The following DGKD variants were observed in gnomAD, a reference collection of about 807,000 sequenced individuals.
DGKD encodes the protein diacylglycerol kinase delta.
Under a neutral mutation model 154.4 loss-of-function variants are expected in DGKD, and 68 were observed. The observed-to-expected ratio is 0.44, with a 90% confidence interval of 0.36 to 0.54. DGKD has a LOEUF of 0.54. DGKD is among the 20% of genes least tolerant of loss of function. The pLI is 0.00. For synonymous variants in DGKD, 693 were observed against 638.0 expected, an observed-to-expected ratio of 1.09 and a Z score of -1.30; for missense variants, 1,343 against 1,593.6, an observed-to-expected ratio of 0.84 and a Z score of 2.68.
chr2:233,455,938 C>T (rs897344217), intron 19 of DGKD, among the ~76,000 whole-genome samples: 1 of 152,190 alleles, frequency 6.6e-6, no homozygotes, highest in Non-Finnish European at 1.5e-5. Flanking sequence ...AGGATGGTAA[C>T]GTCAGATCAT....
chr2:233,398,336 G>A (rs6706384), intron 3 of DGKD, among the ~76,000 whole-genome samples: 5 of 151,290 alleles, frequency 3.3e-5, no homozygotes, highest in Non-Finnish European at 5.9e-5. Flanking sequence ...TAGTAGAGAC[G>A]GGGTTTCACA....
chr2:233,435,679 T>C, intron 5 of DGKD, 139 bp from the exon 6 acceptor site: 1 of 647,546 alleles, frequency 1.5e-6, no homozygotes, highest in East Asian at 3.1e-5. Context: ...CGTATCACAG[T>C]AGTTCACTTA....
At chr2:233,460,423 G>A (rs953626943) in intron 24 of DGKD, 78 bp downstream of exon 24, 1 of 1,536,822 alleles carries the variant, frequency 6.5e-7, no homozygotes, top group African/African-American at 1.4e-5. Flanking sequence ...GGCCCCTGGG[G>A]CGTGGAGCTG....
rs1171458387 is a variant in DGKD at position 233,450,063 on chromosome 2, A to G, written c.1970A>G (p.His657Arg). Residue 657 changes from histidine to arginine, a missense_variant, in exon 16 of 30, where the codon CAC becomes CGC. Coordinates refer to ENST00000264057, the MANE Select transcript of DGKD (RefSeq NM_152879.3). ...TCTGAGTCAGAGGAGAAGATGGACC[A>G]CAGAGTGTGCCCACCACTGTCCCAC... Reference protein sequence around the residue: ...GLSESEEKMDHRVCPPLSHSE... With the variant: ...GLSESEEKMDRRVCPPLSHSE... 6.2e-7 allele frequency: 1 copy of G among 1,614,030 alleles called. No individual in the cohort carries two copies. The highest frequency in any genetic ancestry group is 1.1e-5 in the South Asian group (1 of 91,080).
intron 3 of DGKD, among the ~76,000 whole-genome samples, chr2:233,416,384 A>C (rs1180491244): frequency 6.6e-6 from 1 of 152,216 alleles, no homozygotes; most frequent in African/African-American, 2.4e-5. Flanking sequence ...CACCTGGCCC[A>C]GCCAGCAGAT....
At chr2:233,448,832 G>A (rs1222289208) in intron 14 of DGKD, among the ~76,000 whole-genome samples, 1 of 152,220 alleles carries the variant, frequency 6.6e-6, no homozygotes, top group Non-Finnish European at 1.5e-5. Context: ...AAGTTACAAA[G>A]TTGCATTTCT....
At chr2:233,376,115 G>T (rs533417636) in intron 1 of DGKD, among the ~76,000 whole-genome samples, 1 of 152,226 alleles carries the variant, frequency 6.6e-6, no homozygotes, top group East Asian at 1.9e-4. Flanking sequence ...GTGTATTTTG[G>T]GATGTCGCAC....
intron 1 of DGKD, among the ~76,000 whole-genome samples, chr2:233,372,404 T>G (rs935288964): frequency 2.6e-5 from 4 of 152,200 alleles, no homozygotes; most frequent in Admixed American, 1.3e-4. Context: ...ACTCATCTCA[T>G]TAAATCCAGT....
intron 1 of DGKD, among the ~76,000 whole-genome samples, chr2:233,364,095 AC>A (rs1701916983): frequency 6.6e-6 from 1 of 152,242 alleles, no homozygotes. Context: ...GCTTCTAAAA[AC>A]AAAAACCAAA....
At chr2:233,357,289 T>C (rs1412385441) in intron 1 of DGKD, among the ~76,000 whole-genome samples, 1 of 152,172 alleles carries the variant, frequency 6.6e-6, no homozygotes, top group East Asian at 1.9e-4. Context: ...GGACAAAGAA[T>C]GGATCTGAGG....
At chr2:233,396,378 C>T (rs985234614) in intron 3 of DGKD, among the ~76,000 whole-genome samples, 3 of 152,120 alleles carry the variant, frequency 2.0e-5, no homozygotes, top group East Asian at 1.9e-4. Context: ...GAATTTGGCT[C>T]GTTTATTTAG....
chr2:233,448,825 T>G (rs1222474645), intron 14 of DGKD, among the ~76,000 whole-genome samples: 1 of 152,178 alleles, frequency 6.6e-6, no homozygotes, highest in East Asian at 1.9e-4. Flanking sequence ...TAAGGTGAAG[T>G]TACAAAGTTG....
rs1452233830 is a variant in DGKD at position 233,409,690 on chromosome 2, A to G, written c.348+19207A>G. Among the ~76,000 whole-genome samples the G allele has an allele frequency of 2.0e-5, 3 of 151,448 alleles. No homozygotes were observed. In the East Asian group the frequency reaches 5.9e-4, roughly 30 times the overall value. On this transcript the variant is annotated intron_variant, in intron 3 of 29. Coordinates refer to ENST00000264057, the MANE Select transcript of DGKD (RefSeq NM_152879.3). Reference sequence around the variant, plus strand: ...GATAATTTCCTGCTCTGTGGTAGGGAGACTGCTGTTTATTGACCCAGTCCT... The same window carrying G: ...GATAATTTCCTGCTCTGTGGTAGGGGGACTGCTGTTTATTGACCCAGTCCT...
chr2:233,422,586 T>G (rs1018966932), intron 3 of DGKD, among the ~76,000 whole-genome samples: 1 of 152,226 alleles, frequency 6.6e-6, no homozygotes, highest in Non-Finnish European at 1.5e-5. Flanking sequence ...AGATGTTTCA[T>G]GGGTTGCACT....
chr2:233,436,601 T>C (rs915320203), intron 7 of DGKD, among the ~76,000 whole-genome samples, 160 bp downstream of exon 7: 1 of 152,262 alleles, frequency 6.6e-6, no homozygotes, highest in East Asian at 1.9e-4. Context: ...TCATTCTCCT[T>C]CTTAGCTATG....
chr2:233,422,856 G>A (rs2062164697), intron 3 of DGKD, among the ~76,000 whole-genome samples: 2 of 152,086 alleles, frequency 1.3e-5, no homozygotes, highest in South Asian at 4.1e-4. Flanking sequence ...TACTAACCTC[G>A]TTACAGTGGA....
In DGKD at chr2:233,397,545, G is replaced by T. The variant is rs1344302587; in HGVS notation, c.348+7062G>T. 2.5e-4 allele frequency among the ~76,000 whole-genome samples: 30 copies of T among 118,294 alleles called. 1 individual carries two copies. Among genetic ancestry groups the T allele is most frequent in the Non-Finnish European group, 4.8e-4 (27 of 55,868 alleles). The allele number at this position is 118,294 out of a possible 152,430, so 77.6% of individuals were successfully genotyped here. On this transcript the variant is annotated intron_variant, in intron 3 of 29. Transcript: ENST00000264057. ...GGGGACCAGGGTGGCTGGGGGGGGGGGGCAGAGTGAGAGGACACCAGAGGG... is the reference window on the plus strand; with the variant it reads ...GGGGACCAGGGTGGCTGGGGGGGGGTGGCAGAGTGAGAGGACACCAGAGGG...
chr2:233,419,415 G>A, intron 3 of DGKD: 3 of 985,656 alleles, frequency 3.0e-6, no homozygotes, highest in Non-Finnish European at 3.6e-6. Flanking sequence ...AGCAGGAAGG[G>A]CAGCAGGTAA....
chr2:233,460,695 T>C (rs572188590), intron 24 of DGKD, among the ~76,000 whole-genome samples: 25 of 152,130 alleles, frequency 1.6e-4, no homozygotes, highest in African/African-American at 3.4e-4. Context: ...TTGAGACCAT[T>C]CTGGCTAACA....
Sources: gnomAD v4.1 joint callset for allele counts (sites outside exome capture counted in the v4.1 genomes callset) on GRCh38, gnomAD v4.1.1 for gene constraint, MANE v1.5 for transcripts, NCBI Gene and HGNC (gene_info 2026-07-23, HGNC 2026-07-21) for gene names.